The following ANPEP variants were observed in gnomAD, a reference collection of about 807,000 sequenced individuals.
ANPEP encodes the protein aminopeptidase N.
In ANPEP, 70 loss-of-function variants were observed where a neutral mutation model predicts 114.6. The ratio of observed to expected loss-of-function variants is 0.61; its 90% CI spans 0.50 to 0.75. The LOEUF (loss-of-function observed/expected upper bound fraction) is 0.75. Ranked by LOEUF, ANPEP falls within the 30% of genes least tolerant of loss-of-function variation. The probability of loss-of-function intolerance (pLI) is 0.00; values close to 1 mark genes in which losing one functional copy is unlikely to be tolerated. For missense variants in ANPEP, 1,184 were observed against 1,259.5 expected (o/e 0.94, Z 0.91); for synonymous variants, 548 against 522.3 (o/e 1.05, Z -0.67).
At position 89,801,152 on chromosome 15, in the gene ANPEP, T is replaced by A. The variant is rs1449211731; in HGVS notation, c.1778A>T (p.Asp593Val). Residue 593 changes from aspartate (D) to valine (V), a missense_variant, in exon 12 of 21, where the codon GAT (aspartate) becomes GTT (valine). Physicochemically the swap from Asp to Val is radical, Grantham distance 152 (BLOSUM62 -3). Coordinates refer to ENST00000300060, the MANE Select transcript of ANPEP (RefSeq NM_001150.3). Reference protein sequence around the residue: ...VWIVPITSIRDGRQQQDYWLI... With the variant: ...VWIVPITSIRVGRQQQDYWLI... ...CCAGTAGTCCTGCTGCTGTCTGCCA[T>A]CTCTGATGGATGTGATGGGCACAAT... is the stretch of plus-strand genomic sequence containing the variant. 1.9e-6 allele frequency: 3 copies of A among 1,614,174 alleles called. No homozygotes were observed. The highest frequency in any genetic ancestry group is 2.5e-6 in the Non-Finnish European group (3 of 1,180,026).
chr15:89,812,689 C>T (rs749439171), intron 1 of ANPEP, among the ~76,000 whole-genome samples: 1 of 151,938 alleles, frequency 6.6e-6, no homozygotes, highest in Non-Finnish European at 1.5e-5. Context: ...TGAAACTGAG[C>T]ACCTACTATG....
At chr15:89,798,277 T>C (rs369146037) in intron 14 of ANPEP, among the ~76,000 whole-genome samples, 4 of 152,138 alleles carry the variant, frequency 2.6e-5, no homozygotes, top group East Asian at 1.9e-4. Context: ...ACTGCATCCC[T>C]CCTGCCCTGT....
chr15:89,790,872 G>C, intron 19 of ANPEP, 81 bp downstream of exon 19: 1 of 1,535,256 alleles, frequency 6.5e-7, no homozygotes, highest in Non-Finnish European at 8.8e-7. Context: ...AGTGCCCCCG[G>C]CGTGTCTTAC....
intron 19 of ANPEP, 131 bp downstream of exon 19, chr15:89,790,822 C>T (rs1389742782): frequency 1.5e-5 from 18 of 1,219,448 alleles, no homozygotes; most frequent in Non-Finnish European, 1.6e-5. Context: ...CTGCCCCACC[C>T]TAGCCCCCAG....
intron 14 of ANPEP, among the ~76,000 whole-genome samples, chr15:89,798,098 T>A (rs1327206255): frequency 6.6e-6 from 1 of 152,250 alleles, no homozygotes; most frequent in Non-Finnish European, 1.5e-5. Context: ...TTCTTAACTC[T>A]GACCACCTCT....
In ANPEP at chr15:89,790,441, C is replaced by A; in HGVS notation, c.2751+19G>T. The A allele has an allele frequency of 1.2e-6, 2 of 1,610,326 alleles. No homozygotes were observed. The highest frequency in any genetic ancestry group is 2.2e-5 in the South Asian group (2 of 90,914). On this transcript the variant is annotated intron_variant, in intron 20 of 20. Coordinates refer to ENST00000300060, the MANE Select transcript of ANPEP (RefSeq NM_001150.3). ...GGAAGGAAGTAGGCAGAGCCCAGGT[C>A]TGGGGAATGACTTCTTACCTGCTGC...
intron 15 of ANPEP, 112 bp from the exon 16 acceptor site, chr15:89,793,238 G>A (rs901882412): frequency 2.5e-5 from 22 of 879,436 alleles, no homozygotes; most frequent in Admixed American, 1.6e-4. Flanking sequence ...CAGAGGTCAG[G>A]GCCTCACCTG....
rs201484027 is a variant in ANPEP at position 89,804,649 on chromosome 15, G to A, written c.898-32C>T. 3.0e-3 allele frequency: 4,844 copies of A among 1,605,644 alleles called. 15 individuals carry two copies. Among genetic ancestry groups the A allele is most frequent in the Non-Finnish European group, 3.7e-3 (4,332 of 1,175,792 alleles). ...GGTGTGAGGAAGAAGCAGACCAGGGGCTCCTGTTTGATCCTGGGGCAGGTG... is the reference window on the plus strand; with the variant it reads ...GGTGTGAGGAAGAAGCAGACCAGGGACTCCTGTTTGATCCTGGGGCAGGTG... On this transcript the variant is annotated intron_variant, in intron 4 of 20. Coordinates refer to ENST00000300060, the MANE Select transcript of ANPEP (RefSeq NM_001150.3).
chr15:89,800,112 G>A (rs1448047285), intron 12 of ANPEP, among the ~76,000 whole-genome samples: 1 of 152,124 alleles, frequency 6.6e-6, no homozygotes, highest in Admixed American at 6.6e-5. Context: ...AGCCCCTGGG[G>A]CCCTTGGGGA....
At chr15:89,798,101 C>T (rs1461482364) in intron 14 of ANPEP, among the ~76,000 whole-genome samples, 2 of 152,246 alleles carry the variant, frequency 1.3e-5, no homozygotes, top group African/African-American at 4.8e-5. Flanking sequence ...TTAACTCTGA[C>T]CACCTCTTCT....
chr15:89,797,200 G>T (rs12437542), intron 15 of ANPEP, among the ~76,000 whole-genome samples: 68,690 of 152,140 alleles, frequency 0.45, 15,776 homozygotes, highest in Admixed American at 0.54. Context: ...CACACAGCTG[G>T]CAAAAGACAG....
intron 2 of ANPEP, 87 bp from the exon 3 acceptor site, chr15:89,805,550 G>C: frequency 6.5e-7 from 1 of 1,539,436 alleles, no homozygotes; most frequent in Non-Finnish European, 8.8e-7. Context: ...CAGGGAAAGG[G>C]GTACATGGAA....
rs201835756 is a variant in ANPEP, at chr15:89,804,402, T to A, written c.1030A>T (p.Ile344Phe). The A allele has an allele frequency of 6.2e-7, 1 of 1,614,214 alleles. No individual in the cohort carries two copies. The highest frequency in any genetic ancestry group is 1.7e-5 in the Admixed American group (1 of 60,034). The change falls in exon 6 of 21, where the codon ATT becomes TTT. Residue 344 changes from isoleucine to phenylalanine, a missense_variant. Coordinates refer to ENST00000300060, the MANE Select transcript of ANPEP (RefSeq NM_001150.3). ...CCGGCGTTGAAGTCTGGCAGGCCAA[T>A]CTGGTCTGGGGAGGCGATGCCATTG... ...TPYPLPKSDQ[I>F]GLPDFNAGAM...
intron 20 of ANPEP, among the ~76,000 whole-genome samples, chr15:89,787,549 T>C (rs956148046): frequency 6.6e-6 from 1 of 152,182 alleles, no homozygotes; most frequent in African/African-American, 2.4e-5. Context: ...TCAAAAGACC[T>C]ATTAAGTGAG....
chr15:89,785,140 G>A lies in ANPEP; in HGVS notation c.*209C>T, dbSNP rs1412519623. On this transcript the variant is annotated 3_prime_UTR_variant, in exon 21 of 21. Transcript: ENST00000300060. ...GCCAGGCCTAGGGCGGGGTTGGCAT[G>A]AGGGGCAGGGGCTGGGAGGTGCTCA... 4.9e-6 allele frequency: 3 copies of A among 611,428 alleles called. No homozygotes were observed. The highest frequency in any genetic ancestry group is 1.9e-5 in the African/African-American group (1 of 53,544). The allele number at this position is 611,428 out of a possible 1,614,324, so 37.9% of individuals were successfully genotyped here.
chr15:89,785,410 A>G lies in ANPEP; in HGVS notation c.2843T>C (p.Ile948Thr). 3 of 1,614,122 alleles carry G rather than the reference A, an allele frequency of 1.9e-6. No individual in the cohort carries two copies. The highest frequency in any genetic ancestry group is 2.5e-6 in the Non-Finnish European group (3 of 1,180,008). Residue 948 changes from isoleucine (I) to threonine (T), a missense_variant, in exon 21 of 21, where the codon ATC (isoleucine) becomes ACC (threonine). Transcript: ENST00000300060. The part of the protein sequence containing the change: ...EQALEKTKAN[I>T]KWVKENKEVV... ...CTCCTTGTTCTCCTTCACCCACTTG[A>G]TGTTGGCTTTCGTCTTCTCCAGGGC...
chr15:89,789,104 C>T (rs62019023), intron 20 of ANPEP, among the ~76,000 whole-genome samples: 5 of 151,840 alleles, frequency 3.3e-5, no homozygotes, highest in East Asian at 3.9e-4. Flanking sequence ...CACAGCCTCC[C>T]GAGTAGCTGG....
At chr15:89,805,777 G>A (rs8024295) in intron 2 of ANPEP, among the ~76,000 whole-genome samples, 193 bp downstream of exon 2, 2 of 152,236 alleles carry the variant, frequency 1.3e-5, no homozygotes, top group African/African-American at 4.8e-5. Flanking sequence ...GCTCCCTGGT[G>A]AGGGGTGGGG....
rs547347224 is a variant in ANPEP at position 89,790,353 on chromosome 15, C to A, written c.2751+107G>T. 89 of 933,260 alleles carry A rather than the reference C, an allele frequency of 9.5e-5. No individual in the cohort carries two copies. In the Admixed American group the frequency reaches 1.7e-3, roughly 18 times the overall value. 57.8% of individuals were successfully genotyped at this position (933,260 alleles called of 1,614,324 possible). On this transcript the variant is annotated intron_variant, in intron 20 of 20. Coordinates refer to ENST00000300060, the MANE Select transcript of ANPEP (RefSeq NM_001150.3). ...TCCTCTGTAAATGAGGAAGGCCTGG[C>A]GGCGTGGAGCCTGTGCTCCCTCAGG...
Sources: gnomAD v4.1 joint callset for allele counts (sites outside exome capture counted in the v4.1 genomes callset) on GRCh38, gnomAD v4.1.1 for gene constraint, MANE v1.5 for transcripts, NCBI Gene and HGNC (gene_info 2026-07-23, HGNC 2026-07-21) for gene names.